The following RBCK1 variants were observed in gnomAD, a reference collection of about 807,000 sequenced individuals.
RBCK1 encodes the protein RANBP2-type and C3HC4-type zinc finger containing 1.
In RBCK1, 44 loss-of-function variants were observed where a neutral mutation model predicts 71.1. The observed-to-expected ratio is 0.62, with a 90% CI of 0.49 to 0.80. The LOEUF is 0.80. Ranked by LOEUF, RBCK1 falls within the 30% of genes least tolerant of loss-of-function variation. The probability of loss-of-function intolerance (pLI) is 0.00; values close to 1 mark genes in which losing one functional copy is unlikely to be tolerated. For missense variants in RBCK1, 569 were observed against 685.0 expected, an observed-to-expected ratio of 0.83 and a Z score of 1.89; for synonymous variants, 306 against 279.7, an observed-to-expected ratio of 1.09 and a Z score of -0.94.
At chr20:419,813 C>T in intron 6 of RBCK1, 82 bp downstream of exon 6, 1 of 1,465,698 alleles carries the variant, frequency 6.8e-7, no homozygotes. Context: ...CTGCGCACTG[C>T]CGCGCCTCTC....
chr20:412,272 TC>T (rs1201887544), intron 2 of RBCK1, among the ~76,000 whole-genome samples: 1 of 152,196 alleles, frequency 6.6e-6, no homozygotes, highest in Non-Finnish European at 1.5e-5. Context: ...GCACATATTT[TC>T]TTTGGAGGTT....
chr20:430,813 T>C lies in RBCK1; in HGVS notation c.*383T>C, dbSNP rs946787193. 4.2e-6 allele frequency: 1 copy of C among 240,954 alleles called. No individual in the cohort carries two copies. Among genetic ancestry groups the C allele is most frequent in the Non-Finnish European group, 8.2e-6 (1 of 121,824 alleles). 14.9% of individuals were successfully genotyped at this position (240,954 alleles called of 1,614,324 possible). ...GGGGCTAACTTCTCTGCCTTTGTGG[T>C]TGGAGGCCTGAGGCCTCTTGGAACT... On this transcript the variant is annotated 3_prime_UTR_variant, in exon 12 of 12. Coordinates refer to ENST00000356286, the MANE Select transcript of RBCK1 (RefSeq NM_031229.4). The surrounding 1 kb of genome is among the most constrained non-coding windows in gnomAD (Gnocchi z 5.6).
At position 419,671 on chromosome 20, in the gene RBCK1, C is replaced by A. The variant is rs549369680; in HGVS notation, c.696C>A (p.Pro232=). 2.5e-6 allele frequency: 4 copies of A among 1,581,266 alleles called. No homozygotes were observed. Among genetic ancestry groups the A allele is most frequent in the South Asian group, 1.1e-5 (1 of 87,376 alleles). Residue 232 remains proline (P), a synonymous_variant, in exon 6 of 12, where the codon CCC becomes CCA. Coordinates refer to ENST00000356286, the MANE Select transcript of RBCK1 (RefSeq NM_031229.4). ...ACCAGGTCCCCGCCTCATACCAGCC[C>A]GACGAGGAGGAGCGAGCGCGCCTGG... The part of the protein sequence containing the change: ...EAYQVPASYQ[P]DEEERARLAG...
At position 413,276 on chromosome 20, in the gene RBCK1, A is replaced by G. The variant is rs79556700; in HGVS notation, c.167+3251A>G. ...GTTATTGCAAGTCTCTTGAATTTCC[A>G]TATAAATTTTACGATCAGCTTGTCT... On this transcript the variant is annotated intron_variant, in intron 2 of 11. Transcript: ENST00000356286. Among the ~76,000 whole-genome samples, 420 of 152,216 alleles carry G rather than the reference A, an allele frequency of 2.8e-3. 2 individuals are homozygous for G. The highest frequency in any genetic ancestry group is 9.6e-3 in the African/African-American group (400 of 41,540).
In RBCK1 at chr20:422,255, G is replaced by A; in HGVS notation, c.1029+17G>A. 1 of 1,605,922 alleles carries A rather than the reference G, an allele frequency of 6.2e-7. No homozygotes were observed. ...ATCAAGGCGGTAAGGCCTCAGGGTG[G>A]GAGACATACCCCAAGTCCCAACTCC... On this transcript the variant is annotated intron_variant, in intron 8 of 11. Coordinates refer to ENST00000356286, the MANE Select transcript of RBCK1 (RefSeq NM_031229.4). This position sits in a 1 kb window ranked among gnomAD's most constrained non-coding sequence, Gnocchi z 5.0.
chr20:408,573 ACCGGGCAGTGT>A lies in RBCK1; in HGVS notation c.-184_-174del. On this transcript the variant is annotated 5_prime_UTR_variant, in exon 1 of 12. Transcript: ENST00000356286. Reference sequence around the variant, plus strand: ...CCCCACGCAGGATCCCGGCCTGGTCACCGGGCAGTGTGATGCTTCCCGACTGCCGCGGGGAC... The same window carrying A: ...CCCCACGCAGGATCCCGGCCTGGTCAGATGCTTCCCGACTGCCGCGGGGAC... 3 of 728,204 alleles carry A rather than the reference ACCGGGCAGTGT, an allele frequency of 4.1e-6. No homozygotes were observed. The highest frequency in any genetic ancestry group is 7.0e-6 in the Non-Finnish European group (3 of 425,702). 45.1% of individuals were successfully genotyped at this position (728,204 alleles called of 1,614,324 possible).
Position 430,753 on chromosome 20 carries a change from C to T in RBCK1, c.*323C>T, listed in dbSNP as rs146678964. 4.6e-5 allele frequency: 15 copies of T among 327,356 alleles called. No individual in the cohort carries two copies. In the East Asian group the frequency reaches 9.5e-4, roughly 21 times the overall value. The allele number at this position is 327,356 out of a possible 1,614,324, so 20.3% of individuals were successfully genotyped here. A position where few individuals can be genotyped will look rare whatever the true frequency, so the allele number is the denominator to read the frequency against. On this transcript the variant is annotated 3_prime_UTR_variant, in exon 12 of 12. Coordinates refer to ENST00000356286, the MANE Select transcript of RBCK1 (RefSeq NM_031229.4). The surrounding 1 kb of genome is among the most constrained non-coding windows in gnomAD (Gnocchi z 5.6). ...ACACTCATCTGTCAAACACCAAGCA[C>T]TCTCAGCCTCCCCGCCTTCAGCTGT...
intron 4 of RBCK1, among the ~76,000 whole-genome samples, chr20:418,590 G>T (rs144851771): frequency 1.1e-4 from 16 of 152,122 alleles, no homozygotes; most frequent in Middle Eastern, 3.4e-3. Flanking sequence ...GGATGGTCTC[G>T]ATCTCCTGAC....
rs2015608636 is a variant in RBCK1 at position 409,999 on chromosome 20, T to C, written c.141T>C (p.Pro47=). 1.2e-6 allele frequency: 2 copies of C among 1,613,964 alleles called. No homozygotes were observed. Among genetic ancestry groups the C allele is most frequent in the Non-Finnish European group, 1.7e-6 (2 of 1,179,990 alleles). Residue 47 remains proline, a synonymous_variant, in exon 2 of 12, where the codon CCT becomes CCC. Coordinates refer to ENST00000356286, the MANE Select transcript of RBCK1 (RefSeq NM_031229.4). ...TGCCCCTGAGTGTGCAACTGAAGCC[T>C]GAGGTCTCCCCAACGCAGGACATCA... The part of the protein sequence containing the change: ...QRVPLSVQLK[P]EVSPTQDIRL...
chr20:409,884 AG>A lies in RBCK1; in HGVS notation c.28del (p.Glu10LysfsTer4). ...CTCCTGCTGTACTGGCTTTCAGCAGAGGAAATGGCCCTGAGCCTCACCCGAG... is the reference window on the plus strand; with the variant it reads ...CTCCTGCTGTACTGGCTTTCAGCAGAGAAATGGCCCTGAGCCTCACCCGAG... MDEKTKKAEEMALSLTRAV... is the reference protein window; with the variant it reads MDEKTKKAXEMALSLTRAV... On this transcript the variant is annotated frameshift_variant, in exon 2 of 12. Transcript: ENST00000356286. LOFTEE classifies it high-confidence loss of function. 1 of 1,613,648 alleles carries A rather than the reference AG, an allele frequency of 6.2e-7. No individual in the cohort carries two copies.
At chr20:410,064 A>G (rs775234853) in intron 2 of RBCK1, 39 bp downstream of exon 2, 1 of 1,595,142 alleles carries the variant, frequency 6.3e-7, no homozygotes, top group South Asian at 1.1e-5. Context: ...AAGGGACAGC[A>G]GGACAGGATA....
chr20:417,856 A>G lies in RBCK1; in HGVS notation c.386A>G (p.Tyr129Cys). The G allele has an allele frequency of 6.2e-7, 1 of 1,613,752 alleles. No individual in the cohort carries two copies. Among genetic ancestry groups the G allele is most frequent in the Middle Eastern group, 1.6e-4 (1 of 6,062 alleles). The change falls in exon 4 of 12, where the codon TAT (tyrosine) becomes TGT (cysteine). Residue 129 changes from tyrosine to cysteine, a missense_variant. Transcript: ENST00000356286. This position sits in a 1 kb window ranked among gnomAD's most constrained non-coding sequence, Gnocchi z 4.7. ...CAGAATGGGGACAGTGCCTACCTCT[A>G]TCTGCTGTCAGCCCGCAACACCTCC... ...VRQNGDSAYL[Y>C]LLSARNTSLN...
chr20:428,365 G>A lies in RBCK1; in HGVS notation c.1210-126G>A. On this transcript the variant is annotated intron_variant, in intron 9 of 11. Coordinates refer to ENST00000356286, the MANE Select transcript of RBCK1 (RefSeq NM_031229.4). The surrounding 1 kb of genome is among the most constrained non-coding windows in gnomAD (Gnocchi z 5.7). Reference sequence around the variant, plus strand: ...AAATGGCTTATGCATTACAAAGTGAGGTCCTGCCAGTGACTACACCTAGAG... The same window carrying A: ...AAATGGCTTATGCATTACAAAGTGAAGTCCTGCCAGTGACTACACCTAGAG... 1.7e-6 allele frequency: 1 copy of A among 591,006 alleles called. No homozygotes were observed. Among genetic ancestry groups the A allele is most frequent in the Admixed American group, 3.5e-5 (1 of 28,338 alleles). The allele number at this position is 591,006 out of a possible 1,614,324, so 36.6% of individuals were successfully genotyped here. A position where few individuals can be genotyped will look rare whatever the true frequency, so the allele number is the denominator to read the frequency against.
At chr20:420,820 A>G in intron 6 of RBCK1, 51 bp from the exon 7 acceptor site, 1 of 1,486,902 alleles carries the variant, frequency 6.7e-7, no homozygotes, top group South Asian at 1.2e-5. Context: ...TCGGGGTCTG[A>G]CCCGCCCCCG....
rs1289559615 is a variant in RBCK1, at chr20:431,543, TG to T, written c.*1114del. ...ATCTGGTATTTGATGCCCAACACATTGTCCACGCTGTGACGTGACCATCATC... is the reference window on the plus strand; with the variant it reads ...ATCTGGTATTTGATGCCCAACACATTTCCACGCTGTGACGTGACCATCATC... On this transcript the variant is annotated 3_prime_UTR_variant, in exon 12 of 12. Coordinates refer to ENST00000356286, the MANE Select transcript of RBCK1 (RefSeq NM_031229.4). The surrounding 1 kb of genome is among the most constrained non-coding windows in gnomAD (Gnocchi z 4.8). 6.6e-6 allele frequency among the ~76,000 whole-genome samples: 1 copy of T among 152,166 alleles called. No homozygotes were observed. The highest frequency in any genetic ancestry group is 1.5e-5 in the Non-Finnish European group (1 of 68,020).
rs2016829060 is a variant in RBCK1, at chr20:428,092, C to G, written c.1210-399C>G. Among the ~76,000 whole-genome samples the G allele has an allele frequency of 6.6e-6, 1 of 152,198 alleles. No individual in the cohort carries two copies. The highest frequency in any genetic ancestry group is 2.1e-4 in the South Asian group (1 of 4,834). ...CCGGTAAACAGGTCTGGAGCCTGGT[C>G]TCAGACTCAGCCTGAGCAAGCTCAG... On this transcript the variant is annotated intron_variant, in intron 9 of 11. Coordinates refer to ENST00000356286, the MANE Select transcript of RBCK1 (RefSeq NM_031229.4). This position sits in a 1 kb window ranked among gnomAD's most constrained non-coding sequence, Gnocchi z 5.7.
Position 422,349 on chromosome 20 carries a change from G to C in RBCK1, c.1029+111G>C, listed in dbSNP as rs185358860. On this transcript the variant is annotated intron_variant, in intron 8 of 11. Transcript: ENST00000356286. The surrounding 1 kb of genome is among the most constrained non-coding windows in gnomAD (Gnocchi z 5.0). ...TTTCTTTTTTTTTTTTGGAGATGGG[G>C]TCTCACTATGTTGTCCAAGCTGGTC... The C allele has an allele frequency of 1.3e-3, 1,080 of 828,516 alleles. 15 individuals are homozygous for C. In the African/African-American group the frequency reaches 0.014, roughly 11 times the overall value. 51.3% of individuals were successfully genotyped at this position (828,516 alleles called of 1,614,324 possible).
At chr20:419,857 G>C in intron 6 of RBCK1, 126 bp downstream of exon 6, 1 of 1,437,632 alleles carries the variant, frequency 7.0e-7, no homozygotes, top group South Asian at 1.4e-5. Context: ...CCATGCTGCT[G>C]GCAGTGACCC....
rs1462365614 is a variant in RBCK1 at position 422,617 on chromosome 20, C to T, written c.1029+379C>T. 6.6e-6 allele frequency among the ~76,000 whole-genome samples: 1 copy of T among 152,062 alleles called. No homozygotes were observed. The highest frequency in any genetic ancestry group is 1.5e-5 in the Non-Finnish European group (1 of 68,002). On this transcript the variant is annotated intron_variant, in intron 8 of 11. Transcript: ENST00000356286. The surrounding 1 kb of genome is among the most constrained non-coding windows in gnomAD (Gnocchi z 5.0). ...GGATGAAGTGGGCAGATTGCTTGAACCCATGAGTTCCAGACCAACCTGGGC... is the reference window on the plus strand; with the variant it reads ...GGATGAAGTGGGCAGATTGCTTGAATCCATGAGTTCCAGACCAACCTGGGC...
Sources: allele counts gnomAD v4.1 joint callset (sites outside exome capture counted in the v4.1 genomes callset), GRCh38; gene constraint gnomAD v4.1.1; non-coding constraint Gnocchi (gnomAD v3.1); transcripts MANE v1.5; gene names NCBI Gene and HGNC (gene_info 2026-07-23, HGNC 2026-07-21).